The following MTUS2 variants were observed in gnomAD, a reference collection of about 807,000 sequenced individuals.
MTUS2 encodes the protein microtubule-associated tumor suppressor candidate 2.
MTUS2 carries 40 observed loss-of-function variants against 114.1 expected under a neutral mutation model. The observed-to-expected ratio is 0.35, with a 90% CI of 0.27 to 0.46. The LOEUF (loss-of-function observed/expected upper bound fraction) is 0.46. Ranked by LOEUF, MTUS2 falls within the 20% of genes least tolerant of loss-of-function variation. The pLI, the probability that MTUS2 is intolerant of heterozygous loss-of-function variation, is 1.00. For synonymous variants in MTUS2, 688 were observed against 672.0 expected (o/e 1.02, Z -0.37); for missense variants, 1,679 against 1,705.4 (o/e 0.98, Z 0.27).
intron 8 of MTUS2, among the ~76,000 whole-genome samples, chr13:29,376,318 A>G (rs1321886466): frequency 6.6e-6 from 1 of 152,180 alleles, no homozygotes; most frequent in African/African-American, 2.4e-5. Flanking sequence ...CAAGTTTTCT[A>G]CATCCACTTG....
intron 7 of MTUS2, among the ~76,000 whole-genome samples, chr13:29,329,116 TATA>T (rs1309751167): frequency 5.3e-5 from 8 of 152,322 alleles, no homozygotes; most frequent in African/African-American, 1.9e-4. Context: ...AGATTTCTAT[TATA>T]ATATTTTAAT....
chr13:28,844,410 T>C (rs550142987), intron 2 of MTUS2, among the ~76,000 whole-genome samples: 56 of 152,282 alleles, frequency 3.7e-4, no homozygotes, highest in African/African-American at 1.3e-3. Flanking sequence ...GCTGTGTGTG[T>C]GTGTGCGCGC....
At chr13:29,438,231 T>C (rs2138672997) in intron 8 of MTUS2, among the ~76,000 whole-genome samples, 1 of 152,240 alleles carries the variant, frequency 6.6e-6, no homozygotes, top group South Asian at 2.1e-4. Flanking sequence ...AAATACATGC[T>C]CTCAGATGTA....
At chr13:29,335,391 C>A (rs1244271966) in intron 7 of MTUS2, among the ~76,000 whole-genome samples, 1 of 152,146 alleles carries the variant, frequency 6.6e-6, no homozygotes, top group Non-Finnish European at 1.5e-5. Flanking sequence ...ACAATGTGTG[C>A]CCGAAACTTC....
chr13:29,014,461 A>C (rs1263850353), intron 2 of MTUS2, among the ~76,000 whole-genome samples: 1 of 152,246 alleles, frequency 6.6e-6, no homozygotes, highest in Admixed American at 6.5e-5. Flanking sequence ...ATGGAGTACT[A>C]GCCTGGTCAC....
intron 5 of MTUS2, among the ~76,000 whole-genome samples, chr13:29,248,449 TA>T (rs1328228878): frequency 1.3e-5 from 2 of 152,190 alleles, no homozygotes; most frequent in South Asian, 2.1e-4. Context: ...ATTTTCTTTT[TA>T]AAAAAATTTT....
At chr13:29,472,419 AG>A (rs1880388699) in intron 9 of MTUS2, among the ~76,000 whole-genome samples, 1 of 152,218 alleles carries the variant, frequency 6.6e-6, no homozygotes, top group Admixed American at 6.5e-5. Flanking sequence ...AGGGCTCTAC[AG>A]GGTAGTGTGT....
chr13:29,290,909 C>T (rs1387756303), intron 6 of MTUS2, among the ~76,000 whole-genome samples: 1 of 152,134 alleles, frequency 6.6e-6, no homozygotes, highest in Non-Finnish European at 1.5e-5. Context: ...CAAATAGCTG[C>T]CGAATAAATG....
At chr13:29,031,258 G>GTGTGTGTGTGTGTGTGTGT (rs1479571757) in intron 3 of MTUS2, among the ~76,000 whole-genome samples, 2 of 149,144 alleles carry the variant, frequency 1.3e-5, no homozygotes, top group East Asian at 4.0e-4. Context: ...GTGTGTGTGT[G>GTGTGTGTGTGTGTGTGTGT]TGTGTGTGTG....
At chr13:29,088,427 G>A (rs187423456) in intron 4 of MTUS2, among the ~76,000 whole-genome samples, 2 of 152,290 alleles carry the variant, frequency 1.3e-5, no homozygotes, top group Admixed American at 1.3e-4. Context: ...TGTGCCATGT[G>A]CAGATGAGAA....
chr13:29,498,802 G>C (rs1191881282), intron 14 of MTUS2, among the ~76,000 whole-genome samples: 1 of 152,174 alleles, frequency 6.6e-6, no homozygotes, highest in Non-Finnish European at 1.5e-5. Context: ...CAGTTGTGCT[G>C]TCTTCTCGCC....
At chr13:28,833,723 AATC>A (rs904789598) in intron 1 of MTUS2, among the ~76,000 whole-genome samples, 9 of 152,142 alleles carry the variant, frequency 5.9e-5, no homozygotes, top group African/African-American at 1.9e-4. Flanking sequence ...AAGAAAGAAA[AATC>A]ATCCAGATTG....
chr13:29,228,525 G>C (rs539813950), intron 5 of MTUS2, among the ~76,000 whole-genome samples: 96 of 152,110 alleles, frequency 6.3e-4, no homozygotes, highest in Non-Finnish European at 1.2e-3. Flanking sequence ...TCACTATGTT[G>C]CCCAGGCTGG....
chr13:28,904,569 T>C (rs919979548), intron 2 of MTUS2, among the ~76,000 whole-genome samples: 1 of 152,218 alleles, frequency 6.6e-6, no homozygotes, highest in African/African-American at 2.4e-5. Flanking sequence ...GTTATAGATA[T>C]GCAGCATTAT....
intron 9 of MTUS2, among the ~76,000 whole-genome samples, chr13:29,460,480 A>G (rs994383465): frequency 6.6e-6 from 1 of 152,114 alleles, no homozygotes; most frequent in Non-Finnish European, 1.5e-5. Flanking sequence ...TGGGCATTCA[A>G]TGTTTAGGTC....
At chr13:28,941,110 C>G (rs1882210229) in intron 2 of MTUS2, among the ~76,000 whole-genome samples, 1 of 151,590 alleles carries the variant, frequency 6.6e-6, no homozygotes, top group African/African-American at 2.4e-5. Context: ...ATCTTAACAC[C>G]TCCTCTTCAG....
At chr13:28,911,939 C>G (rs984754731) in intron 2 of MTUS2, among the ~76,000 whole-genome samples, 2 of 139,314 alleles carry the variant, frequency 1.4e-5, no homozygotes, top group African/African-American at 2.7e-5. Flanking sequence ...AAATTGTCTT[C>G]TATTCTGTAG....
intron 2 of MTUS2, among the ~76,000 whole-genome samples, chr13:29,011,707 T>G (rs998072337): frequency 2.0e-5 from 3 of 152,232 alleles, no homozygotes; most frequent in African/African-American, 4.8e-5. Context: ...CCAAAATGCT[T>G]TCTTCATTAC....
At chr13:29,425,668 T>G (rs543481299) in intron 8 of MTUS2, among the ~76,000 whole-genome samples, 6 of 152,314 alleles carry the variant, frequency 3.9e-5, no homozygotes, top group Admixed American at 2.6e-4. Flanking sequence ...TGTTTGAAAT[T>G]TTTATAACAT....
Sources: gnomAD v4.1 joint callset for allele counts (sites outside exome capture counted in the v4.1 genomes callset) on GRCh38, gnomAD v4.1.1 for gene constraint, MANE v1.5 for transcripts, NCBI Gene and HGNC (gene_info 2026-07-23, HGNC 2026-07-21) for gene names.